The following NCKAP1 variants were observed in gnomAD, a reference collection of about 807,000 sequenced individuals.
NCKAP1 encodes nck-associated protein 1.
In NCKAP1, 21 loss-of-function variants were observed where a neutral mutation model predicts 151.2. The ratio of observed to expected loss-of-function variants is 0.14; its 90% CI spans 0.10 to 0.20. The LOEUF (loss-of-function observed/expected upper bound fraction) is 0.20, where lower values mean the gene tolerates loss of function less well. NCKAP1 is among the 10% of genes least tolerant of loss of function. The probability of loss-of-function intolerance (pLI) is 1.00; values close to 1 mark genes in which losing one functional copy is unlikely to be tolerated. For missense variants in NCKAP1, 933 were observed against 1,352.1 expected (o/e 0.69, Z 4.86); for synonymous variants, 484 against 451.8 (o/e 1.07, Z -0.90).
intron 1 of NCKAP1, among the ~76,000 whole-genome samples, chr2:183,026,317 GA>G (rs961881956): frequency 7.3e-5 from 11 of 150,286 alleles, no homozygotes; most frequent in Non-Finnish European, 7.4e-5. Flanking sequence ...GGCTTTAAGA[GA>G]AAAAAAAATT....
At chr2:183,000,415 T>C (rs954176199) in intron 6 of NCKAP1, among the ~76,000 whole-genome samples, 1 of 151,766 alleles carries the variant, frequency 6.6e-6, no homozygotes, top group Non-Finnish European at 1.5e-5. Flanking sequence ...AAGAACCAAA[T>C]ATAAAATAGC....
At chr2:182,955,280 A>T (rs541531802) in intron 20 of NCKAP1, among the ~76,000 whole-genome samples, 3 of 152,210 alleles carry the variant, frequency 2.0e-5, no homozygotes, top group Non-Finnish European at 4.4e-5. Context: ...ATATAGTGCA[A>T]ATACAAACAC....
At chr2:182,972,132 C>T (rs951967127) in intron 15 of NCKAP1, among the ~76,000 whole-genome samples, 2 of 138,046 alleles carry the variant, frequency 1.4e-5, no homozygotes, top group African/African-American at 2.7e-5. Context: ...AGTGAAGAGA[C>T]AACCTATAGA....
At chr2:183,022,917 T>C (rs1226281740) in intron 2 of NCKAP1, 1 of 152,164 alleles carries the variant, frequency 6.6e-6, no homozygotes, top group African/African-American at 2.4e-5. Flanking sequence ...AGGAGCTGGA[T>C]CTGTAACTGA....
rs555784427 is a variant in NCKAP1 at position 182,925,537 on chromosome 2, TGTA to T, written c.*162_*164del. 2.3e-4 allele frequency: 93 copies of T among 404,628 alleles called. 1 individual carries two copies. The highest frequency in any genetic ancestry group is 1.7e-3 in the African/African-American group (82 of 48,202). 25.1% of individuals were successfully genotyped at this position (404,628 alleles called of 1,614,324 possible). A position where few individuals can be genotyped will look rare whatever the true frequency, so the allele number is the denominator to read the frequency against. ...TGCAACCTAAATCAACCAAGTATAC[TGTA>T]GTACAACCATATTAAGAAACCAATG... is the stretch of plus-strand genomic sequence containing the variant. On this transcript the variant is annotated 3_prime_UTR_variant, in exon 31 of 31. Coordinates refer to ENST00000361354, the MANE Select transcript of NCKAP1 (RefSeq NM_013436.5).
In NCKAP1 at chr2:182,922,363, A is replaced by C. The variant is rs1205072638; in HGVS notation, c.*3339T>G. The C allele has an allele frequency of 6.6e-6, 1 of 152,220 alleles. No individual in the cohort carries two copies. Among genetic ancestry groups the C allele is most frequent in the African/African-American group, 2.4e-5 (1 of 41,458 alleles). The allele number at this position is 152,220 out of a possible 1,614,324, so 9.4% of individuals were successfully genotyped here. A position where few individuals can be genotyped will look rare whatever the true frequency, so the allele number is the denominator to read the frequency against. On this transcript the variant is annotated 3_prime_UTR_variant, in exon 31 of 31. Coordinates refer to ENST00000361354, the MANE Select transcript of NCKAP1 (RefSeq NM_013436.5). ...TCCTTTATTAACCAGCCTACATTAGATTTAATTTGTGAACTCTGCTATATA... is the reference window on the plus strand; with the variant it reads ...TCCTTTATTAACCAGCCTACATTAGCTTTAATTTGTGAACTCTGCTATATA...
rs1186946482 is a variant in NCKAP1, at chr2:182,921,165, G to A, written c.*4537C>T. The A allele has an allele frequency of 6.6e-6, 1 of 152,156 alleles. No homozygotes were observed. Among genetic ancestry groups the A allele is most frequent in the Non-Finnish European group, 1.5e-5 (1 of 68,030 alleles). 9.4% of individuals were successfully genotyped at this position (152,156 alleles called of 1,614,324 possible). On this transcript the variant is annotated 3_prime_UTR_variant, in exon 31 of 31. Coordinates refer to ENST00000361354, the MANE Select transcript of NCKAP1 (RefSeq NM_013436.5). Reference sequence around the variant, plus strand: ...AATTTAAAATAACTATCTTAAATTAGTAGTTTAATGAGTGAGCAATTTAGC... The same window carrying A: ...AATTTAAAATAACTATCTTAAATTAATAGTTTAATGAGTGAGCAATTTAGC...
chr2:183,024,921 T>C, intron 1 of NCKAP1: 1 of 1,592,168 alleles, frequency 6.3e-7, no homozygotes, highest in East Asian at 2.2e-5. Context: ...TTATGAAACA[T>C]GAAACTGATC....
At chr2:182,949,318 G>A (rs1168571836) in intron 23 of NCKAP1, among the ~76,000 whole-genome samples, 1 of 152,174 alleles carries the variant, frequency 6.6e-6, no homozygotes, top group Non-Finnish European at 1.5e-5. Context: ...AGCATAATCT[G>A]TGGTGCTAGA....
intron 15 of NCKAP1, among the ~76,000 whole-genome samples, chr2:182,975,427 G>T (rs1697786380): frequency 6.6e-6 from 1 of 152,010 alleles, no homozygotes; most frequent in Non-Finnish European, 1.5e-5. Flanking sequence ...GCATTTTGAG[G>T]TTGGAAGGAA....
At chr2:182,960,685 G>C (rs1697428345) in intron 18 of NCKAP1, among the ~76,000 whole-genome samples, 1 of 152,190 alleles carries the variant, frequency 6.6e-6, no homozygotes, top group Non-Finnish European at 1.5e-5. Flanking sequence ...AAGACTTCAT[G>C]TCTAAAACAC....
chr2:183,027,167 A>T (rs1277379404), intron 1 of NCKAP1, among the ~76,000 whole-genome samples: 1 of 152,132 alleles, frequency 6.6e-6, no homozygotes, highest in Non-Finnish European at 1.5e-5. Flanking sequence ...TGGCACCATC[A>T]CTTAGCTGTG....
chr2:182,965,818 G>A (rs1213699899), intron 16 of NCKAP1, among the ~76,000 whole-genome samples: 1 of 152,084 alleles, frequency 6.6e-6, no homozygotes, highest in Non-Finnish European at 1.5e-5. Flanking sequence ...AATGTTTCAT[G>A]TTCTACCTAA....
rs1244203131 is a variant in NCKAP1, at chr2:182,976,877, A to G, written c.1482+16T>C. 1 of 1,454,788 alleles carries G rather than the reference A, an allele frequency of 6.9e-7. No homozygotes were observed. Among genetic ancestry groups the G allele is most frequent in the Non-Finnish European group, 9.2e-7 (1 of 1,088,884 alleles). 90.1% of individuals were successfully genotyped at this position (1,454,788 alleles called of 1,614,324 possible). A position where few individuals can be genotyped will look rare whatever the true frequency, so the allele number is the denominator to read the frequency against. ...TAAAATAACAAAACAGAATGACAAT[A>G]AAAGGTTATTCTTACCTGTAACCTA... On this transcript the variant is annotated intron_variant, in intron 15 of 30. Transcript: ENST00000361354.
At position 182,930,714 on chromosome 2, in the gene NCKAP1, A is replaced by C; in HGVS notation, c.2934T>G (p.Ala978=). The change falls in exon 27 of 31, where the codon GCT becomes GCG. Residue 978 remains alanine, a synonymous_variant. Coordinates refer to ENST00000361354, the MANE Select transcript of NCKAP1 (RefSeq NM_013436.5). ...PCEIDPALVV[A]LSSQKSENIS... ...TTTTACCCGATTTTTGTGAAGAAAGAGCTACGACCAATGCAGGATCAATCT... is the reference window on the plus strand; with the variant it reads ...TTTTACCCGATTTTTGTGAAGAAAGCGCTACGACCAATGCAGGATCAATCT... The C allele has an allele frequency of 6.2e-7, 1 of 1,613,340 alleles. No individual in the cohort carries two copies. Among genetic ancestry groups the C allele is most frequent in the East Asian group, 2.2e-5 (1 of 44,864 alleles).
chr2:182,973,496 A>C (rs936475351), intron 15 of NCKAP1, among the ~76,000 whole-genome samples: 1 of 152,144 alleles, frequency 6.6e-6, no homozygotes, highest in Non-Finnish European at 1.5e-5. Context: ...TAAGAGTAGG[A>C]AAAGGACAGA....
rs1029365287 is a variant in NCKAP1, at chr2:182,916,840, G to A, written c.*8862C>T. The A allele has an allele frequency of 2.6e-5, 4 of 152,048 alleles. No homozygotes were observed. Among genetic ancestry groups the A allele is most frequent in the Admixed American group, 1.3e-4 (2 of 15,252 alleles). 9.4% of individuals were successfully genotyped at this position (152,048 alleles called of 1,614,324 possible). A position where few individuals can be genotyped will look rare whatever the true frequency, so the allele number is the denominator to read the frequency against. On this transcript the variant is annotated 3_prime_UTR_variant, in exon 31 of 31. Coordinates refer to ENST00000361354, the MANE Select transcript of NCKAP1 (RefSeq NM_013436.5). ...CAGTCTTAAAATTAATTTTAGCATC[G>A]TTTTCTGTTAAAGTTACATGACAGG...
chr2:183,037,169 C>G (rs1015270537), intron 1 of NCKAP1, among the ~76,000 whole-genome samples: 8 of 152,196 alleles, frequency 5.3e-5, no homozygotes, highest in African/African-American at 1.9e-4. Flanking sequence ...TTAAATGGGC[C>G]TATTAGCTAT....
intron 2 of NCKAP1, among the ~76,000 whole-genome samples, chr2:183,011,658 C>T (rs1054758158): frequency 1.3e-5 from 2 of 152,134 alleles, no homozygotes; most frequent in African/African-American, 2.4e-5. Context: ...TTTATTCATT[C>T]GTCAGTTAAT....
Sources: gnomAD v4.1 joint callset for allele counts (sites outside exome capture counted in the v4.1 genomes callset) on GRCh38, gnomAD v4.1.1 for gene constraint, MANE v1.5 for transcripts, NCBI Gene and HGNC (gene_info 2026-07-23, HGNC 2026-07-21) for gene names.